FEZ2: variants seen among roughly 807,000 people sequenced by gnomAD.
The protein encoded by FEZ2 is fasciculation and elongation protein zeta-2.
A neutral mutation model predicts 40.4 loss-of-function variants in FEZ2; 51 were observed. That is an observed-to-expected ratio of 1.26 (90% CI 1.01 to 1.59). The LOEUF (loss-of-function observed/expected upper bound fraction) is 1.59. FEZ2 is among the 40% of genes most tolerant of loss of function. The pLI is 0.00. For missense variants in FEZ2, 640 were observed against 438.3 expected, an observed-to-expected ratio of 1.46 and a Z score of -4.11; for synonymous variants, 242 against 172.0, an observed-to-expected ratio of 1.41 and a Z score of -3.18.
At chr2:36,568,729 C>T (rs1039811417) in intron 5 of FEZ2, among the ~76,000 whole-genome samples, 10 of 152,108 alleles carry the variant, frequency 6.6e-5, no homozygotes, top group African/African-American at 1.9e-4. Context: ...GTGGCAAGGA[C>T]GGAGGAAGAG....
intron 1 of FEZ2, among the ~76,000 whole-genome samples, 199 bp downstream of exon 1, chr2:36,597,678 G>A (rs1379017826): frequency 6.6e-6 from 1 of 152,214 alleles, no homozygotes; most frequent in Non-Finnish European, 1.5e-5. Flanking sequence ...AGGTTTTCAG[G>A]GCTCGTGGCG....
intron 5 of FEZ2, among the ~76,000 whole-genome samples, chr2:36,574,889 T>G (rs1304144305): frequency 6.6e-6 from 1 of 152,126 alleles, no homozygotes; most frequent in African/African-American, 2.4e-5. Flanking sequence ...CTCTCTTGAG[T>G]TGCACTTCCC....
At chr2:36,590,692 T>G (rs1267494490) in intron 2 of FEZ2, 2 of 475,214 alleles carry the variant, frequency 4.2e-6, no homozygotes, top group Non-Finnish European at 7.4e-6. Flanking sequence ...TAGCTACACA[T>G]AAAAAATGAG....
intron 5 of FEZ2, among the ~76,000 whole-genome samples, chr2:36,560,401 C>T (rs182128967): frequency 3.8e-4 from 58 of 152,264 alleles, no homozygotes; most frequent in African/African-American, 1.3e-3. Flanking sequence ...CCTTCTTCCC[C>T]CAAAAATGAC....
chr2:36,577,474 G>A lies in FEZ2; in HGVS notation c.903+1123C>T, dbSNP rs1434166374. The stretch of plus-strand genomic sequence containing the variant: ...GTTTCTCCATGTTGAGGCTGGTCTC[G>A]AACTCCTGACCTCAGGTGATCAGCC... On this transcript the variant is annotated intron_variant, in intron 5 of 7. Coordinates refer to ENST00000405912, the MANE Select transcript of FEZ2 (RefSeq NM_005102.3). Among the ~76,000 whole-genome samples the A allele has an allele frequency of 2.0e-5, 3 of 152,158 alleles. No individual in the cohort carries two copies. The East Asian group carries it at 5.8e-4, about 29-fold the overall frequency.
chr2:36,558,343 A>G, intron 6 of FEZ2, 95 bp downstream of exon 6: 1 of 705,176 alleles, frequency 1.4e-6, no homozygotes, highest in Non-Finnish European at 2.3e-6. Flanking sequence ...TCCTAAACTG[A>G]CAAAACACTA....
At chr2:36,586,932 G>C (rs1668918060) in intron 2 of FEZ2, among the ~76,000 whole-genome samples, 2 of 152,148 alleles carry the variant, frequency 1.3e-5, no homozygotes, top group Admixed American at 1.3e-4. Context: ...GGCAACAGAG[G>C]GAGACACTCT....
rs757922872 is a variant in FEZ2 at position 36,581,416 on chromosome 2, C to A, written c.508G>T (p.Glu170Ter). ...FTADQVIEEI[E>*]EMMQESPDPE... is the part of the protein sequence containing the mutation. ...TCCGGTGATTCCTGCATCATTTCTT[C>A]AATTTCTTCAATAACCTTCGAAAAC... The change falls in exon 4 of 8, where the codon GAA (glutamate) becomes TAA (stop). Residue 170 changes from glutamate to a stop codon, truncating the protein, a stop_gained. Transcript: ENST00000405912. LOFTEE classifies it high-confidence loss of function. The A allele has an allele frequency of 5.0e-6, 8 of 1,613,504 alleles. No homozygotes were observed. The highest frequency in any genetic ancestry group is 6.8e-6 in the Non-Finnish European group (8 of 1,179,496).
rs1407586213 is a variant in FEZ2, at chr2:36,578,759, A to T, written c.741T>A (p.Asp247Glu). The change falls in exon 5 of 8, where the codon GAT becomes GAA. Residue 247 changes from aspartate to glutamate, a missense_variant. Coordinates refer to ENST00000405912, the MANE Select transcript of FEZ2 (RefSeq NM_005102.3). ...EELVQQLALR[D>E]ELEFEKEVKN... is the part of the protein sequence containing the mutation. Reference sequence around the variant, plus strand: ...TCACTTCCTTTTCAAACTCCAGTTCATCTCGTAAAGCCAACTGCTGCACCA... The same window carrying T: ...TCACTTCCTTTTCAAACTCCAGTTCTTCTCGTAAAGCCAACTGCTGCACCA... The T allele has an allele frequency of 2.5e-6, 4 of 1,613,910 alleles. No homozygotes were observed. The South Asian group carries it at 4.4e-5, about 18-fold the overall frequency.
chr2:36,590,805 G>C (rs1669048052), intron 2 of FEZ2, 98 bp downstream of exon 2: 6 of 739,124 alleles, frequency 8.1e-6, no homozygotes, highest in Admixed American at 2.3e-5. Flanking sequence ...AGAAATGAGA[G>C]GCAGGTCAGT....
intron 5 of FEZ2, among the ~76,000 whole-genome samples, chr2:36,575,907 G>A (rs1204285638): frequency 2.0e-5 from 3 of 151,798 alleles, no homozygotes; most frequent in African/African-American, 7.2e-5. Flanking sequence ...AAAAATGGAA[G>A]CTATTCTATA....
chr2:36,586,877 T>C (rs557565634), intron 2 of FEZ2, among the ~76,000 whole-genome samples: 2 of 152,304 alleles, frequency 1.3e-5, no homozygotes, highest in East Asian at 3.9e-4. Context: ...GCCCAGGAGT[T>C]GGAGGCTGCA....
rs745872350 is a variant in FEZ2, at chr2:36,578,613, C to T, written c.887G>A (p.Ser296Asn). ...ATCACTTACTGTGCCGGGCATATGA[C>T]TTCTCTCATTCTTCCCATTCTGAGA... ...GSSQNGKNER[S>N]HMPGTYLTTV... The change falls in exon 5 of 8, where the codon AGT becomes AAT. Residue 296 changes from serine to asparagine, a missense_variant. Physicochemically the swap from Ser to Asn is conservative, Grantham distance 46 (BLOSUM62 1). Transcript: ENST00000405912. The T allele has an allele frequency of 2.5e-6, 4 of 1,612,690 alleles. No individual in the cohort carries two copies. The highest frequency in any genetic ancestry group is 3.4e-6 in the Non-Finnish European group (4 of 1,179,610).
intron 5 of FEZ2, among the ~76,000 whole-genome samples, chr2:36,576,828 C>G (rs1668586238): frequency 6.6e-6 from 1 of 152,214 alleles, no homozygotes; most frequent in African/African-American, 2.4e-5. Context: ...TAGATTTACT[C>G]TAACCCTTTT....
At position 36,558,514 on chromosome 2, in the gene FEZ2, C is replaced by T. The variant is rs775813780; in HGVS notation, c.904-1G>A. 95 of 1,489,606 alleles carry T rather than the reference C, an allele frequency of 6.4e-5. No homozygotes were observed. Among genetic ancestry groups the T allele is most frequent in the Non-Finnish European group, 8.2e-5 (91 of 1,114,472 alleles). 92.3% of individuals were successfully genotyped at this position (1,489,606 alleles called of 1,614,324 possible). ...CATAAGGAATGACTGTAGTCAAATACTGCCAAGTTTAAAAAAAAAAAGTGT... is the reference window on the plus strand; with the variant it reads ...CATAAGGAATGACTGTAGTCAAATATTGCCAAGTTTAAAAAAAAAAAGTGT... On this transcript the variant is annotated splice_acceptor_variant, in intron 5 of 7. Transcript: ENST00000405912. LOFTEE classifies it high-confidence loss of function.
chr2:36,586,395 G>A (rs1668899725), intron 2 of FEZ2, among the ~76,000 whole-genome samples: 3 of 152,296 alleles, frequency 2.0e-5, no homozygotes, highest in Admixed American at 2.0e-4. Flanking sequence ...AGCACTTTGG[G>A]AGGCTGAGGC....
chr2:36,557,250 T>A (rs1043232337), intron 6 of FEZ2: 31 of 152,170 alleles, frequency 2.0e-4, no homozygotes, highest in Admixed American at 7.2e-4. Flanking sequence ...CTGTGTGATC[T>A]TGGACACATA....
chr2:36,556,079 G>C (rs1432895046), intron 6 of FEZ2: 3 of 495,570 alleles, frequency 6.1e-6, no homozygotes, highest in South Asian at 3.1e-5. Flanking sequence ...ATACCGGAAA[G>C]TGGGTTACTA....
chr2:36,570,738 T>C (rs375219576), intron 5 of FEZ2, among the ~76,000 whole-genome samples: 2 of 152,334 alleles, frequency 1.3e-5, no homozygotes, highest in African/African-American at 4.8e-5. Flanking sequence ...CTGAATAATG[T>C]AGACAACAGT....
Sources: allele counts gnomAD v4.1 joint callset (sites outside exome capture counted in the v4.1 genomes callset), GRCh38; gene constraint gnomAD v4.1.1; transcripts MANE v1.5; gene names NCBI Gene and HGNC (gene_info 2026-07-23, HGNC 2026-07-21).